The following MARK1 variants were observed in gnomAD, a reference collection of about 807,000 sequenced individuals.
MARK1 encodes the protein microtubule affinity regulating kinase 1, also known as serine/threonine-protein kinase MARK1.
Under a neutral mutation model 96.3 loss-of-function variants are expected in MARK1, and 40 were observed. The ratio of observed to expected loss-of-function variants is 0.42; its 90% CI spans 0.32 to 0.54. The LOEUF (loss-of-function observed/expected upper bound fraction) is 0.54. MARK1 is among the 20% of genes least tolerant of loss of function. MARK1 has a pLI of 0.16. For synonymous variants in MARK1, 317 were observed against 341.2 expected (o/e 0.93, Z 0.78); for missense variants, 719 against 984.6 (o/e 0.73, Z 3.61).
intron 1 of MARK1, among the ~76,000 whole-genome samples, chr1:220,555,022 G>T (rs10047144): frequency 0.056 from 8,559 of 152,246 alleles, 762 homozygotes; most frequent in African/African-American, 0.19. Flanking sequence ...TGAATGTGTA[G>T]GCTGTAGCAG....
rs1421654475 is a variant in MARK1, at chr1:220,654,768, T to C, written c.1988+1416T>C. Reference sequence around the variant, plus strand: ...TTTAAAGTGAAGAAAAATAGGTTTATAGTTTAGTGCTTGATTACTAATTGT... The same window carrying C: ...TTTAAAGTGAAGAAAAATAGGTTTACAGTTTAGTGCTTGATTACTAATTGT... On this transcript the variant is annotated intron_variant, in intron 16 of 17. Coordinates refer to ENST00000366917, the MANE Select transcript of MARK1 (RefSeq NM_018650.5). The surrounding 1 kb of genome is among the most constrained non-coding windows in gnomAD (Gnocchi z 4.0). 6.6e-6 allele frequency among the ~76,000 whole-genome samples: 1 copy of C among 152,268 alleles called. No individual in the cohort carries two copies. Among genetic ancestry groups the C allele is most frequent in the Non-Finnish European group, 1.5e-5 (1 of 68,048 alleles).
intron 6 of MARK1, among the ~76,000 whole-genome samples, chr1:220,610,001 C>T (rs925797529): frequency 1.3e-5 from 2 of 152,184 alleles, no homozygotes; most frequent in Non-Finnish European, 2.9e-5. Flanking sequence ...TTCATTTCAA[C>T]CTTGGTGAAT....
At chr1:220,576,467 G>A (rs932143407) in intron 1 of MARK1, among the ~76,000 whole-genome samples, 4 of 151,562 alleles carry the variant, frequency 2.6e-5, no homozygotes, top group African/African-American at 4.9e-5. Flanking sequence ...GAGTGGGAAA[G>A]TATGCCCCCA....
intron 9 of MARK1, among the ~76,000 whole-genome samples, chr1:220,619,210 C>T (rs1247118563): frequency 6.6e-6 from 1 of 152,188 alleles, no homozygotes; most frequent in African/African-American, 2.4e-5. Context: ...CACGGTGGCT[C>T]ACGCCTGTAA....
At chr1:220,632,090 A>G (rs1364165549) in intron 10 of MARK1, 111 bp from the exon 11 acceptor site, 2 of 535,062 alleles carry the variant, frequency 3.7e-6, no homozygotes, top group Non-Finnish European at 6.7e-6. Flanking sequence ...TACACTTTAA[A>G]TTTTCATGAC....
chr1:220,597,536 G>A (rs1665457608), intron 3 of MARK1, among the ~76,000 whole-genome samples: 1 of 152,040 alleles, frequency 6.6e-6, no homozygotes, highest in Admixed American at 6.6e-5. Context: ...TATCTTTGCT[G>A]CAGAAATGTC....
chr1:220,589,609 C>A (rs1306187148), intron 3 of MARK1, among the ~76,000 whole-genome samples: 1 of 152,204 alleles, frequency 6.6e-6, no homozygotes, highest in African/African-American at 2.4e-5. Context: ...GAAGACATAT[C>A]TCAGGCCTTC....
chr1:220,582,569 AC>A (rs2102848151), intron 3 of MARK1, among the ~76,000 whole-genome samples: 1 of 96,166 alleles, frequency 1.0e-5, no homozygotes, highest in African/African-American at 2.9e-5. Context: ...GTTGTGGGTT[AC>A]TCTGGCAAAT....
In MARK1 at chr1:220,631,125, A is replaced by G. The variant is rs1667659132; in HGVS notation, c.1000A>G (p.Lys334Glu). 4 of 1,609,964 alleles carry G rather than the reference A, an allele frequency of 2.5e-6. No homozygotes were observed. Among genetic ancestry groups the G allele is most frequent in the Admixed American group, 1.7e-5 (1 of 59,928 alleles). ...TEPDPDFNDTKRIDIMVTMGF... is the reference protein window; with the variant it reads ...TEPDPDFNDTERIDIMVTMGF... ...GCCTGATCCGGATTTCAATGACACA[A>G]AAAGAATAGGTAAGTATTTAAACAT... The change falls in exon 10 of 18, where the codon AAA becomes GAA. Residue 334 changes from lysine (K) to glutamate (E), a missense_variant. By Grantham distance (56) the Lys-to-Glu change is moderately conservative. This residue lies in a region of MARK1 where 501 missense variants were observed against 588.3 expected (regional missense o/e 0.85). Transcript: ENST00000366917.
intron 6 of MARK1, among the ~76,000 whole-genome samples, chr1:220,611,647 G>T (rs1335899943): frequency 6.6e-6 from 1 of 152,322 alleles, no homozygotes; most frequent in African/African-American, 2.4e-5. Context: ...GGATGATCAT[G>T]CTGGGAGCTG....
chr1:220,595,837 C>T (rs1331263367), intron 3 of MARK1, among the ~76,000 whole-genome samples: 2 of 152,032 alleles, frequency 1.3e-5, no homozygotes, highest in East Asian at 1.9e-4. Flanking sequence ...GATGGGTAGA[C>T]GTTGATGGAT....
At chr1:220,590,082 C>G (rs567176208) in intron 3 of MARK1, among the ~76,000 whole-genome samples, 1 of 152,324 alleles carries the variant, frequency 6.6e-6, no homozygotes, top group South Asian at 2.1e-4. Flanking sequence ...CTCCCTCTCC[C>G]TGCTTCCTTT....
chr1:220,579,586 T>C, intron 2 of MARK1, 29 bp downstream of exon 2: 1 of 1,577,836 alleles, frequency 6.3e-7, no homozygotes, highest in Non-Finnish European at 8.7e-7. Flanking sequence ...TTTTAATATC[T>C]GCCTGGACCT....
intron 17 of MARK1, among the ~76,000 whole-genome samples, chr1:220,660,234 G>T (rs1442572954): frequency 1.3e-5 from 2 of 152,150 alleles, no homozygotes; most frequent in Non-Finnish European, 2.9e-5. Flanking sequence ...TAAGAGGCCT[G>T]TGATGCAATG....
At chr1:220,549,275 G>T (rs898664968) in intron 1 of MARK1, among the ~76,000 whole-genome samples, 2 of 152,108 alleles carry the variant, frequency 1.3e-5, no homozygotes, top group African/African-American at 4.8e-5. Flanking sequence ...ATGTAAAATG[G>T]AACAAAAGTG....
chr1:220,536,253 T>A (rs911364665), intron 1 of MARK1, among the ~76,000 whole-genome samples: 1 of 152,120 alleles, frequency 6.6e-6, no homozygotes, highest in Non-Finnish European at 1.5e-5. Flanking sequence ...TTTTATTTAT[T>A]TATTTTTTTC....
chr1:220,650,558 T>C lies in MARK1; in HGVS notation c.1471-62T>C, dbSNP rs1213580259. ...TTTTCTCAAAGTCAGCTTAAATACATTTCTTTGGCTTTCCACAAATATATT... is the reference window on the plus strand; with the variant it reads ...TTTTCTCAAAGTCAGCTTAAATACACTTCTTTGGCTTTCCACAAATATATT... On this transcript the variant is annotated intron_variant, in intron 13 of 17. Transcript: ENST00000366917. The C allele has an allele frequency of 3.7e-6, 4 of 1,084,262 alleles. No homozygotes were observed. In the East Asian group the frequency reaches 9.6e-5, roughly 26 times the overall value. The allele number at this position is 1,084,262 out of a possible 1,614,324, so 67.2% of individuals were successfully genotyped here.
At chr1:220,589,849 G>T (rs1452988221) in intron 3 of MARK1, among the ~76,000 whole-genome samples, 1 of 152,210 alleles carries the variant, frequency 6.6e-6, no homozygotes, top group Non-Finnish European at 1.5e-5. Flanking sequence ...TGGCACTGCT[G>T]TTCTTAAAAT....
At chr1:220,596,621 A>G (rs1665376143) in intron 3 of MARK1, among the ~76,000 whole-genome samples, 1 of 152,162 alleles carries the variant, frequency 6.6e-6, no homozygotes, top group Non-Finnish European at 1.5e-5. Flanking sequence ...GTAGGAGGTA[A>G]GCCTTAAGTC....
Sources: gnomAD v4.1 joint callset for allele counts (sites outside exome capture counted in the v4.1 genomes callset) on GRCh38, gnomAD v4.1.1 for gene constraint, gnomAD v4.1.1 regional missense constraint, Gnocchi (gnomAD v3.1) non-coding constraint, MANE v1.5 for transcripts, NCBI Gene and HGNC (gene_info 2026-07-23, HGNC 2026-07-21) for gene names.